The following ALDH1A2 variants were observed in gnomAD, a reference collection of about 807,000 sequenced individuals.
ALDH1A2 encodes the protein aldehyde dehydrogenase 1 family member A2, also known as retinal dehydrogenase 2.
ALDH1A2 carries 27 observed loss-of-function variants against 60.3 expected under a neutral mutation model. The ratio of observed to expected loss-of-function variants is 0.45; its 90% CI spans 0.33 to 0.62. ALDH1A2 has a LOEUF of 0.62. ALDH1A2 is among the 20% of genes least tolerant of loss of function. ALDH1A2 has a pLI of 0.02. For synonymous variants in ALDH1A2, 289 were observed against 232.4 expected (o/e 1.24, Z -2.21); for missense variants, 581 against 643.8 (o/e 0.90, Z 1.06).
intron 7 of ALDH1A2, among the ~76,000 whole-genome samples, chr15:57,976,475 C>A (rs1169917646): frequency 6.6e-6 from 1 of 152,120 alleles, no homozygotes; most frequent in Non-Finnish European, 1.5e-5. Flanking sequence ...GTCCATGCAT[C>A]CTCATTGTTC....
At chr15:57,983,058 C>G (rs1894569377) in intron 7 of ALDH1A2, among the ~76,000 whole-genome samples, 1 of 152,084 alleles carries the variant, frequency 6.6e-6, no homozygotes, top group African/African-American at 2.4e-5. Flanking sequence ...ATTAAAGAGA[C>G]TTCTAAGGAT....
intron 1 of ALDH1A2, among the ~76,000 whole-genome samples, chr15:58,050,584 A>G (rs769133504): frequency 1.1e-4 from 16 of 152,168 alleles, no homozygotes; most frequent in Non-Finnish European, 1.8e-4. Flanking sequence ...GTGAAAACTA[A>G]GACAAATTCC....
At chr15:58,046,291 A>G (rs1896637772) in intron 1 of ALDH1A2, among the ~76,000 whole-genome samples, 1 of 152,042 alleles carries the variant, frequency 6.6e-6, no homozygotes, top group Non-Finnish European at 1.5e-5. Context: ...GGTTTATACA[A>G]TTTTACTTTT....
At chr15:57,964,222 T>A in intron 8 of ALDH1A2, 153 bp from the exon 9 acceptor site, 1 of 711,564 alleles carries the variant, frequency 1.4e-6, no homozygotes, top group Non-Finnish European at 2.3e-6. Context: ...CAACTAGTTC[T>A]AACTACACCC....
chr15:57,999,827 T>C (rs1217732148), intron 4 of ALDH1A2, among the ~76,000 whole-genome samples: 2 of 151,970 alleles, frequency 1.3e-5, no homozygotes, highest in African/African-American at 2.4e-5. Context: ...TCCCCATCAA[T>C]GATAGACTGG....
intron 3 of ALDH1A2, among the ~76,000 whole-genome samples, chr15:58,011,193 G>T (rs982599957): frequency 6.6e-6 from 1 of 152,130 alleles, no homozygotes; most frequent in Non-Finnish European, 1.5e-5. Context: ...GATGAGAATA[G>T]AAAGTGTTCT....
intron 5 of ALDH1A2, among the ~76,000 whole-genome samples, chr15:57,993,837 A>G (rs1894970010): frequency 6.6e-6 from 1 of 152,246 alleles, no homozygotes. Context: ...CCCTGGCTTC[A>G]GCCCTTGACC....
At chr15:58,055,773 A>T (rs1896879739) in intron 1 of ALDH1A2, among the ~76,000 whole-genome samples, 1 of 152,120 alleles carries the variant, frequency 6.6e-6, no homozygotes, top group African/African-American at 2.4e-5. Context: ...TTAGAACTTA[A>T]GTTAAAATGT....
chr15:58,024,679 G>A (rs934838821), intron 1 of ALDH1A2, among the ~76,000 whole-genome samples: 1 of 152,020 alleles, frequency 6.6e-6, no homozygotes, highest in Non-Finnish European at 1.5e-5. Context: ...AAAAAGCACT[G>A]GATTTAAACT....
chr15:58,007,068 A>G (rs1566946308), intron 4 of ALDH1A2, among the ~76,000 whole-genome samples: 1 of 151,850 alleles, frequency 6.6e-6, no homozygotes, highest in Non-Finnish European at 1.5e-5. Flanking sequence ...GGCATCAGTT[A>G]TAGTACTTCT....
chr15:57,993,112 AT>A (rs1239711150), intron 5 of ALDH1A2, 39 bp from the exon 6 acceptor site: 1 of 1,607,152 alleles, frequency 6.2e-7, no homozygotes, highest in Non-Finnish European at 8.5e-7. Flanking sequence ...ATGGAAAAAC[AT>A]TCTTCCACTA....
At chr15:57,979,676 A>C (rs1274569049) in intron 7 of ALDH1A2, 3 of 220,624 alleles carry the variant, frequency 1.4e-5, no homozygotes, top group African/African-American at 7.0e-5. Flanking sequence ...CCAAAAACCC[A>C]GAAAGGGAGA....
rs1268290621 is a variant in ALDH1A2 at position 58,008,063 on chromosome 15, A to G, written c.493+2586T>C. Among the ~76,000 whole-genome samples the G allele has an allele frequency of 2.0e-5, 3 of 152,018 alleles. No homozygotes were observed. In the East Asian group the frequency reaches 5.8e-4, roughly 29 times the overall value. On this transcript the variant is annotated intron_variant, in intron 4 of 12. Transcript: ENST00000249750. ...CAAGCCCAAATGTATCTAAAACTGG[A>G]AAAGAGAGGACAGCTGCCAAGTTAA...
rs1169028440 is a variant in ALDH1A2 at position 57,964,079 on chromosome 15, G to T, written c.902-10C>A. 6.2e-7 allele frequency: 1 copy of T among 1,613,728 alleles called. No individual in the cohort carries two copies. The highest frequency in any genetic ancestry group is 1.3e-5 in the African/African-American group (1 of 74,914). Reference sequence around the variant, plus strand: ...TCCACAGCATAGTCCACTACAAGAGGAAACAGCCATGTTCTCACCGCTTTG... The same window carrying T: ...TCCACAGCATAGTCCACTACAAGAGTAAACAGCCATGTTCTCACCGCTTTG... On this transcript the variant is annotated splice_polypyrimidine_tract_variant and intron_variant, in intron 8 of 12. Coordinates refer to ENST00000249750, the MANE Select transcript of ALDH1A2 (RefSeq NM_003888.4).
At chr15:58,056,381 T>G (rs920037476) in intron 1 of ALDH1A2, among the ~76,000 whole-genome samples, 4 of 152,152 alleles carry the variant, frequency 2.6e-5, no homozygotes, top group Admixed American at 6.6e-5. Context: ...ATTGTTTGAC[T>G]TTCCAATGCT....
intron 7 of ALDH1A2, among the ~76,000 whole-genome samples, chr15:57,982,435 G>A (rs1441515504): frequency 2.0e-5 from 3 of 152,124 alleles, no homozygotes; most frequent in Non-Finnish European, 2.9e-5. Flanking sequence ...TTAGAGAGAC[G>A]CAAACTATAG....
intron 1 of ALDH1A2, among the ~76,000 whole-genome samples, chr15:58,064,579 T>C (rs993472320): frequency 2.6e-5 from 4 of 152,146 alleles, no homozygotes; most frequent in African/African-American, 4.8e-5. Context: ...TTGGGAGAAG[T>C]TGAGTGTAGA....
chr15:58,060,972 T>A (rs1897019253), intron 1 of ALDH1A2, among the ~76,000 whole-genome samples: 1 of 152,242 alleles, frequency 6.6e-6, no homozygotes, highest in Admixed American at 6.5e-5. Context: ...GAGAACTAAC[T>A]ATGCATGATT....
At chr15:58,004,089 A>C (rs1305679825) in intron 4 of ALDH1A2, among the ~76,000 whole-genome samples, 2 of 151,874 alleles carry the variant, frequency 1.3e-5, no homozygotes, top group African/African-American at 4.8e-5. Context: ...AGAGAGAAGC[A>C]GCCACCCACT....
Sources: gnomAD v4.1 joint callset for allele counts (sites outside exome capture counted in the v4.1 genomes callset) on GRCh38, gnomAD v4.1.1 for gene constraint, MANE v1.5 for transcripts, NCBI Gene and HGNC (gene_info 2026-07-23, HGNC 2026-07-21) for gene names.